Variants in CHSY1 observed in about 807,000 individuals in gnomAD.
CHSY1 encodes the protein N-acetylgalactosaminyl-proteoglycan 3-beta-glucuronosyltransferase 1.
In CHSY1, 13 loss-of-function variants were observed where a neutral mutation model predicts 59.8. That is an observed-to-expected ratio of 0.22 (90% CI 0.14 to 0.35). CHSY1 has a LOEUF of 0.35. CHSY1 is among the 10% of genes least tolerant of loss of function. CHSY1 has a pLI of 1.00. For synonymous variants in CHSY1, 459 were observed against 401.2 expected (o/e 1.14, Z -1.72); for missense variants, 947 against 1,030.6 (o/e 0.92, Z 1.11).
intron 1 of CHSY1, among the ~76,000 whole-genome samples, chr15:101,246,878 T>G (rs928561872): frequency 7.5e-5 from 11 of 146,710 alleles, no homozygotes; most frequent in Non-Finnish European, 7.5e-5. Context: ...AAAAAGAAAA[T>G]GTTTAAATAT....
intron 2 of CHSY1, among the ~76,000 whole-genome samples, chr15:101,183,508 G>C (rs1005451720): frequency 1.3e-5 from 2 of 152,216 alleles, no homozygotes; most frequent in Non-Finnish European, 2.9e-5. Context: ...CATCCAGTGA[G>C]AACAGCAAAA....
At chr15:101,182,320 T>A (rs8028597) in intron 2 of CHSY1, among the ~76,000 whole-genome samples, 3 of 151,936 alleles carry the variant, frequency 2.0e-5, no homozygotes, top group Admixed American at 6.5e-5. Context: ...TTTTCTGGAG[T>A]GATGAACTGT....
chr15:101,238,799 T>A (rs927541411), intron 1 of CHSY1, among the ~76,000 whole-genome samples: 2 of 152,222 alleles, frequency 1.3e-5, no homozygotes, highest in African/African-American at 4.8e-5. Context: ...TAACAGATAC[T>A]GTTCTAGGTA....
chr15:101,200,105 C>T (rs1458930882), intron 2 of CHSY1, among the ~76,000 whole-genome samples: 1 of 152,150 alleles, frequency 6.6e-6, no homozygotes, highest in Non-Finnish European at 1.5e-5. Flanking sequence ...AAATAAATAC[C>T]TCATTCCAAA....
chr15:101,235,646 C>G (rs952018455), intron 1 of CHSY1, 69 bp from the exon 2 acceptor site: 3 of 1,519,382 alleles, frequency 2.0e-6, no homozygotes, highest in Non-Finnish European at 2.7e-6. Flanking sequence ...TTCACGTTAT[C>G]TGCTCATCTT....
At chr15:101,243,157 C>T (rs1172905632) in intron 1 of CHSY1, among the ~76,000 whole-genome samples, 3 of 152,092 alleles carry the variant, frequency 2.0e-5, no homozygotes, top group Non-Finnish European at 4.4e-5. Context: ...ACGAGGAGCC[C>T]GCCCTTTGAG....
chr15:101,251,069 G>C (rs2039104267), intron 1 of CHSY1, 68 bp downstream of exon 1: 1 of 1,441,110 alleles, frequency 6.9e-7, no homozygotes, highest in African/African-American at 1.4e-5. Context: ...AGAGCCAGGA[G>C]AGCACCCGGG....
chr15:101,211,640 GAC>G (rs1392254088), intron 2 of CHSY1, among the ~76,000 whole-genome samples: 2 of 151,842 alleles, frequency 1.3e-5, no homozygotes, highest in Non-Finnish European at 2.9e-5. Flanking sequence ...TAAATACAAA[GAC>G]AGTATAACTG....
rs202057256 is a variant in CHSY1 at position 101,210,777 on chromosome 15, G to GT, written c.816+24304dup. Among the ~76,000 whole-genome samples the GT allele has an allele frequency of 4.3e-3, 661 of 152,038 alleles. 3 individuals are homozygous for GT. Among genetic ancestry groups the GT allele is most frequent in the African/African-American group, 0.014 (593 of 41,442 alleles). ...AGTAATCATATCCAAAGACATTCCA[G>GT]TTTTTTTTAAATACAATGTTTGTGA... On this transcript the variant is annotated intron_variant, in intron 2 of 2. Transcript: ENST00000254190.
At chr15:101,231,877 G>A (rs1262216063) in intron 2 of CHSY1, among the ~76,000 whole-genome samples, 1 of 152,148 alleles carries the variant, frequency 6.6e-6, no homozygotes, top group Non-Finnish European at 1.5e-5. Flanking sequence ...CACCTCACCT[G>A]AGTTGAGTCA....
At chr15:101,237,643 A>G (rs1355756265) in intron 1 of CHSY1, among the ~76,000 whole-genome samples, 1 of 152,224 alleles carries the variant, frequency 6.6e-6, no homozygotes, top group Non-Finnish European at 1.5e-5. Flanking sequence ...AGGGAAGATG[A>G]GTGGTCAACT....
intron 1 of CHSY1, among the ~76,000 whole-genome samples, chr15:101,244,150 A>G (rs994396029): frequency 6.6e-6 from 1 of 152,204 alleles, no homozygotes; most frequent in Non-Finnish European, 1.5e-5. Context: ...TTATGCTTGT[A>G]AACTGTAGCT....
At chr15:101,243,365 A>G (rs1399329138) in intron 1 of CHSY1, among the ~76,000 whole-genome samples, 1 of 152,248 alleles carries the variant, frequency 6.6e-6, no homozygotes, top group African/African-American at 2.4e-5. Flanking sequence ...ATATGCGACT[A>G]ATACTTAATG....
chr15:101,202,134 A>G (rs1486831399), intron 2 of CHSY1, among the ~76,000 whole-genome samples: 1 of 151,488 alleles, frequency 6.6e-6, no homozygotes, highest in African/African-American at 2.4e-5. Context: ...CAGAGGCTGC[A>G]GGGAAGGATG....
At chr15:101,240,277 C>G (rs1447273766) in intron 1 of CHSY1, among the ~76,000 whole-genome samples, 1 of 152,178 alleles carries the variant, frequency 6.6e-6, no homozygotes, top group African/African-American at 2.4e-5. Flanking sequence ...TCACCACCAT[C>G]CTGAGGAGGA....
chr15:101,240,921 G>A (rs971745865), intron 1 of CHSY1, among the ~76,000 whole-genome samples: 13 of 152,044 alleles, frequency 8.6e-5, no homozygotes, highest in African/African-American at 3.1e-4. Flanking sequence ...TCTTGTCCTA[G>A]GTAAATATTC....
chr15:101,193,485 C>T (rs1036334979), intron 2 of CHSY1, among the ~76,000 whole-genome samples: 2 of 108,254 alleles, frequency 1.8e-5, no homozygotes, highest in African/African-American at 2.7e-5. Context: ...CCCTGGAGCA[C>T]GGAGCAAGCA....
chr15:101,250,706 A>C (rs903307932), intron 1 of CHSY1, among the ~76,000 whole-genome samples: 8 of 152,348 alleles, frequency 5.3e-5, no homozygotes, highest in African/African-American at 1.7e-4. Context: ...ATTAACGTAC[A>C]CGGGCTCCAG....
At chr15:101,208,081 T>C (rs555771255) in intron 2 of CHSY1, among the ~76,000 whole-genome samples, 14 of 152,330 alleles carry the variant, frequency 9.2e-5, no homozygotes, top group African/African-American at 3.4e-4. Flanking sequence ...ATTTCTCAAC[T>C]GTCAAATAAA....
Sources: gnomAD v4.1 joint callset for allele counts (sites outside exome capture counted in the v4.1 genomes callset) on GRCh38, gnomAD v4.1.1 for gene constraint, MANE v1.5 for transcripts, NCBI Gene and HGNC (gene_info 2026-07-23, HGNC 2026-07-21) for gene names.